APP: variants seen among roughly 807,000 people sequenced by gnomAD.
The protein encoded by APP is amyloid beta precursor protein.
APP carries 31 observed loss-of-function variants against 101.4 expected under a neutral mutation model. The observed-to-expected ratio is 0.31, with a 90% CI of 0.23 to 0.41. The LOEUF (loss-of-function observed/expected upper bound fraction) is 0.41, where lower values mean the gene tolerates loss of function less well. Among genes scored for constraint, APP ranks in the 10% least tolerant of loss-of-function variants. The pLI, the probability that APP is intolerant of heterozygous loss-of-function variation, is 1.00. For missense variants in APP, 839 were observed against 1,003.7 expected (o/e 0.84, Z 2.22); for synonymous variants, 366 against 364.4 (o/e 1.00, Z -0.05).
chr21:26,021,429 G>A (rs769740880), intron 6 of APP, among the ~76,000 whole-genome samples: 3 of 152,024 alleles, frequency 2.0e-5, no homozygotes, highest in Non-Finnish European at 4.4e-5. Context: ...GGCACTCTGT[G>A]CAATACTGAA....
chr21:25,957,932 CCTGATTGCACGA>C lies in APP; in HGVS notation c.1459-2189_1459-2178del, dbSNP rs535849705. ...CCAGGAGGTTGAGGCTGTAGTGAGC[CCTGATTGCACGA>C]CTGTACTCAAGCCTGGGAAAGAGAA... is the stretch of plus-strand genomic sequence containing the variant. On this transcript the variant is annotated intron_variant, in intron 11 of 17. Transcript: ENST00000346798. Among the ~76,000 whole-genome samples, 320 of 151,836 alleles carry C rather than the reference CCTGATTGCACGA, an allele frequency of 2.1e-3. 3 individuals are homozygous for C. Among genetic ancestry groups the C allele is most frequent in the African/African-American group, 7.3e-3 (302 of 41,382 alleles).
chr21:25,989,594 G>A (rs2830001), intron 8 of APP, among the ~76,000 whole-genome samples: 10,626 of 152,212 alleles, frequency 0.07, 524 homozygotes, highest in African/African-American at 0.12. Flanking sequence ...GCATTCAGTC[G>A]ATATATTAAT....
chr21:26,064,585 TAG>T (rs60922140), intron 3 of APP, among the ~76,000 whole-genome samples: 10,271 of 152,070 alleles, frequency 0.068, 684 homozygotes, highest in East Asian at 0.23. Flanking sequence ...GCATACAGGG[TAG>T]AGAGTCCAGT....
At chr21:25,983,168 A>G (rs1382658185) in intron 8 of APP, among the ~76,000 whole-genome samples, 2 of 152,230 alleles carry the variant, frequency 1.3e-5, no homozygotes, top group Non-Finnish European at 2.9e-5. Context: ...CAATATTTGA[A>G]TTGCAACATA....
At chr21:26,004,816 C>A (rs2043456772) in intron 6 of APP, among the ~76,000 whole-genome samples, 1 of 147,660 alleles carries the variant, frequency 6.8e-6, no homozygotes, top group African/African-American at 2.5e-5. Context: ...CCCACCCCCC[C>A]AACAGGCCCT....
At chr21:26,069,083 A>C (rs1321163904) in intron 3 of APP, among the ~76,000 whole-genome samples, 1 of 152,210 alleles carries the variant, frequency 6.6e-6, no homozygotes, top group Non-Finnish European at 1.5e-5. Flanking sequence ...TGAGGAGCCC[A>C]AAACATGACT....
intron 1 of APP, among the ~76,000 whole-genome samples, chr21:26,143,653 G>T (rs2063096333): frequency 6.6e-6 from 1 of 152,118 alleles, no homozygotes; most frequent in Non-Finnish European, 1.5e-5. Flanking sequence ...TGTACATTAG[G>T]TATTAATCTC....
At chr21:25,936,110 G>C (rs1206921502) in intron 13 of APP, among the ~76,000 whole-genome samples, 1 of 152,210 alleles carries the variant, frequency 6.6e-6, no homozygotes, top group African/African-American at 2.4e-5. Context: ...TAAGCCAACT[G>C]CTATGGATCG....
At chr21:25,976,169 TGAA>T (rs1321207018) in intron 9 of APP, 141 bp from the exon 10 acceptor site, 4 of 658,052 alleles carry the variant, frequency 6.1e-6, no homozygotes, top group Non-Finnish European at 1.1e-5. Context: ...CCTTCCTATC[TGAA>T]GAATATTTGA....
rs1337203681 is a variant in APP at position 25,881,175 on chromosome 21, C to T, written c.*495G>A. 1.5e-5 allele frequency: 3 copies of T among 195,774 alleles called. No homozygotes were observed. Among genetic ancestry groups the T allele is most frequent in the Admixed American group, 5.3e-5 (1 of 18,698 alleles). The allele number at this position is 195,774 out of a possible 1,614,324, so 12.1% of individuals were successfully genotyped here. On this transcript the variant is annotated 3_prime_UTR_variant, in exon 18 of 18. Transcript: ENST00000346798. ...TGGAAAAAAAATCTCTCTAAAGCAT[C>T]TGAAATACTTAAAAATGTTTAACTT...
At chr21:25,991,381 T>A (rs1044880670) in intron 8 of APP, among the ~76,000 whole-genome samples, 2 of 152,146 alleles carry the variant, frequency 1.3e-5, no homozygotes, top group Admixed American at 1.3e-4. Context: ...CTGGCTACCT[T>A]TTTTTTCCCC....
chr21:26,036,460 A>C (rs1408786923), intron 5 of APP, among the ~76,000 whole-genome samples: 2 of 152,170 alleles, frequency 1.3e-5, no homozygotes, highest in African/African-American at 4.8e-5. Context: ...CCCATCCTAT[A>C]AATGTCTGGA....
intron 5 of APP, among the ~76,000 whole-genome samples, chr21:26,046,967 C>T (rs527679161): frequency 1.3e-5 from 2 of 152,194 alleles, no homozygotes; most frequent in East Asian, 3.9e-4. Flanking sequence ...TAACATTATG[C>T]TACATAATGT....
intron 7 of APP, among the ~76,000 whole-genome samples, chr21:25,998,651 C>T (rs2043150688): frequency 6.6e-6 from 1 of 152,048 alleles, no homozygotes; most frequent in Non-Finnish European, 1.5e-5. Flanking sequence ...TGGCTGCCAC[C>T]CTTGCAACAC....
At chr21:26,101,634 T>TG (rs1413611573) in intron 2 of APP, among the ~76,000 whole-genome samples, 1 of 152,130 alleles carries the variant, frequency 6.6e-6, no homozygotes, top group African/African-American at 2.4e-5. Flanking sequence ...AATGAGGGGA[T>TG]GGACAGGATG....
chr21:26,046,195 C>T (rs1021193948), intron 5 of APP, among the ~76,000 whole-genome samples: 1 of 151,552 alleles, frequency 6.6e-6, no homozygotes, highest in Non-Finnish European at 1.5e-5. Flanking sequence ...GCCCCCCAAA[C>T]CAGAGAGTAA....
In APP at chr21:25,911,871, G is replaced by A. The variant is rs766634145; in HGVS notation, c.1779C>T (p.Leu593=). Residue 593 remains leucine (L), a synonymous_variant, in exon 14 of 18, where the codon CTC becomes CTT. Transcript: ENST00000346798. ...TTTTCGTTTCGGTCAAAGATGGCAT[G>A]AGAGCATCGTTTCCGTAACTGATCC... ...EPRISYGNDA[L]MPSLTETKTT... is the part of the protein sequence containing the mutation. The A allele has an allele frequency of 5.0e-6, 8 of 1,614,164 alleles. No individual in the cohort carries two copies. In the South Asian group the frequency reaches 6.6e-5, roughly 13 times the overall value.
At chr21:26,044,122 T>C (rs1362838291) in intron 5 of APP, among the ~76,000 whole-genome samples, 1 of 152,204 alleles carries the variant, frequency 6.6e-6, no homozygotes, top group Admixed American at 6.5e-5. Context: ...ATTGCTGTGT[T>C]CCCAAAGTAC....
chr21:26,066,580 AAGG>A (rs1366083983), intron 3 of APP, among the ~76,000 whole-genome samples: 1 of 152,032 alleles, frequency 6.6e-6, no homozygotes, highest in Non-Finnish European at 1.5e-5. Flanking sequence ...CAAATTCAAA[AAGG>A]TACCGCATAT....
Sources: gnomAD v4.1 joint callset for allele counts (sites outside exome capture counted in the v4.1 genomes callset) on GRCh38, gnomAD v4.1.1 for gene constraint, MANE v1.5 for transcripts, NCBI Gene and HGNC (gene_info 2026-07-23, HGNC 2026-07-21) for gene names.